UBE2D2: variants seen among roughly 807,000 people sequenced by gnomAD.
UBE2D2 encodes the protein ubiquitin-conjugating enzyme E2 D2.
Under a neutral mutation model 24.2 loss-of-function variants are expected in UBE2D2, and 2 were observed. The ratio of observed to expected loss-of-function variants is 0.08; its 90% CI spans 0.03 to 0.26. The LOEUF (loss-of-function observed/expected upper bound fraction) is 0.26, where lower values mean the gene tolerates loss of function less well. Ranked by LOEUF, UBE2D2 falls within the 10% of genes least tolerant of loss-of-function variation. The probability of loss-of-function intolerance (pLI) is 1.00; values close to 1 mark genes in which losing one functional copy is unlikely to be tolerated. For synonymous variants in UBE2D2, 58 were observed against 56.5 expected (o/e 1.03, Z -0.12); for missense variants, 44 against 177.6 (o/e 0.25, Z 4.28).
intron 1 of UBE2D2, among the ~76,000 whole-genome samples, chr5:139,533,704 C>T (rs965317610): frequency 1.4e-4 from 21 of 151,782 alleles, no homozygotes; most frequent in African/African-American, 5.1e-4. Flanking sequence ...TGATAAGGAC[C>T]AGTGTATTAC....
chr5:139,532,666 T>A (rs1752611587), intron 1 of UBE2D2, among the ~76,000 whole-genome samples: 1 of 152,018 alleles, frequency 6.6e-6, no homozygotes, highest in African/African-American at 2.4e-5. Context: ...TTTGTATATC[T>A]AGTAGAGACA....
At chr5:139,598,539 C>CT (rs1173125140) in intron 1 of UBE2D2, among the ~76,000 whole-genome samples, 1 of 145,550 alleles carries the variant, frequency 6.9e-6, no homozygotes, top group Non-Finnish European at 1.5e-5. Context: ...AGACCAATCT[C>CT]TGACTACAAA....
chr5:139,564,052 C>T (rs926081817), intron 1 of UBE2D2, among the ~76,000 whole-genome samples: 1 of 152,138 alleles, frequency 6.6e-6, no homozygotes, highest in Non-Finnish European at 1.5e-5. Context: ...AATACTTGCT[C>T]TGGTAATATA....
intron 1 of UBE2D2, among the ~76,000 whole-genome samples, chr5:139,546,875 TTTCC>T (rs1436275684): frequency 4.0e-5 from 6 of 150,660 alleles, no homozygotes; most frequent in African/African-American, 1.5e-4. Flanking sequence ...CCTTCCTTTC[TTTCC>T]TTCTTTCTTT....
chr5:139,578,419 CTTCTGTT>C (rs1406261769), intron 1 of UBE2D2, among the ~76,000 whole-genome samples: 1 of 150,070 alleles, frequency 6.7e-6, no homozygotes, highest in Admixed American at 6.7e-5. Context: ...AAATTCTAAA[CTTCTGTT>C]TTGTGTTTTG....
rs528826292 is a variant in UBE2D2, at chr5:139,587,042, C to G, written c.25-13330C>G. Reference sequence around the variant, plus strand: ...TGGTGGGCCACTTCCACGATGTTGGCAAGCCTCGTGTTCTCTGACCTGGGG... The same window carrying G: ...TGGTGGGCCACTTCCACGATGTTGGGAAGCCTCGTGTTCTCTGACCTGGGG... On this transcript the variant is annotated intron_variant, in intron 1 of 6. Coordinates refer to ENST00000398733, the MANE Select transcript of UBE2D2 (RefSeq NM_003339.3). Among the ~76,000 whole-genome samples, 4 of 152,260 alleles carry G rather than the reference C, an allele frequency of 2.6e-5. No individual in the cohort carries two copies. The South Asian group carries it at 8.3e-4, about 32-fold the overall frequency.
At chr5:139,582,977 CT>C (rs568361893) in intron 1 of UBE2D2, among the ~76,000 whole-genome samples, 12,719 of 129,858 alleles carry the variant, frequency 0.098, 555 homozygotes, top group Middle Eastern at 0.15. Flanking sequence ...GCTTTTTTTT[CT>C]TTTTTTTTTT....
chr5:139,530,654 C>T (rs1257552770), intron 1 of UBE2D2, among the ~76,000 whole-genome samples: 3 of 152,148 alleles, frequency 2.0e-5, no homozygotes. Flanking sequence ...TTCTTGACAA[C>T]TTGGTAGCAG....
intron 5 of UBE2D2, among the ~76,000 whole-genome samples, chr5:139,618,618 G>A (rs752499107): frequency 2.0e-4 from 31 of 152,134 alleles, no homozygotes; most frequent in Admixed American, 1.0e-3. Context: ...AGGTGTTGGA[G>A]ACACAAGATA....
chr5:139,559,230 T>A (rs1753019820), upstream of UBE2D2, among the ~76,000 whole-genome samples: 1 of 151,974 alleles, frequency 6.6e-6, no homozygotes, highest in South Asian at 2.1e-4. Flanking sequence ...ATTGAGACCA[T>A]CCTGGATAAC....
rs575784414 is a variant in UBE2D2, at chr5:139,604,125, A to G, written c.88+3690A>G. ...TATATCTCATAAGGGACATATATCC[A>G]GTATATTTTTAAAACTTTTTTTTTT... On this transcript the variant is annotated intron_variant, in intron 2 of 6. Coordinates refer to ENST00000398733, the MANE Select transcript of UBE2D2 (RefSeq NM_003339.3). Among the ~76,000 whole-genome samples, 10 of 152,168 alleles carry G rather than the reference A, an allele frequency of 6.6e-5. No homozygotes were observed. The South Asian group carries it at 2.1e-3, about 32-fold the overall frequency.
Position 139,583,988 on chromosome 5 carries a change from AT to A in UBE2D2, c.25-16383del, listed in dbSNP as rs139087723. Among the ~76,000 whole-genome samples, 50 of 152,330 alleles carry A rather than the reference AT, an allele frequency of 3.3e-4. No individual in the cohort carries two copies. In the East Asian group the frequency reaches 8.5e-3, roughly 26 times the overall value. On this transcript the variant is annotated intron_variant, in intron 1 of 6. Coordinates refer to ENST00000398733, the MANE Select transcript of UBE2D2 (RefSeq NM_003339.3). ...TTTTTTGAAAAAGTAAATTAAAAAAATAATAAGTTTATTATAGCCTGAGTGT... is the reference window on the plus strand; with the variant it reads ...TTTTTTGAAAAAGTAAATTAAAAAAAAATAAGTTTATTATAGCCTGAGTGT...
chr5:139,581,681 G>A (rs1048564896), intron 1 of UBE2D2, among the ~76,000 whole-genome samples: 25 of 151,962 alleles, frequency 1.6e-4, no homozygotes, highest in African/African-American at 5.8e-4. Flanking sequence ...TTGTTTGTTT[G>A]TTTTTGAGAT....
chr5:139,553,363 C>G (rs542441955), intron 1 of UBE2D2, among the ~76,000 whole-genome samples: 2 of 152,132 alleles, frequency 1.3e-5, no homozygotes, highest in Non-Finnish European at 2.9e-5. Context: ...GGGCTGTACT[C>G]TCTATTCAGT....
chr5:139,625,403 C>A lies in UBE2D2; in HGVS notation c.399-1353C>A, dbSNP rs1414492830. 4.2e-5 allele frequency among the ~76,000 whole-genome samples: 6 copies of A among 141,850 alleles called. No individual in the cohort carries two copies. In the South Asian group the frequency reaches 1.4e-3, roughly 33 times the overall value. The allele number at this position is 141,850 out of a possible 152,430, so 93.1% of individuals were successfully genotyped here. A position where few individuals can be genotyped will look rare whatever the true frequency, so the allele number is the denominator to read the frequency against. ...GTGCTGCTGTTACAGGCATGAGTTA[C>A]CGTGCAAGGCCAGCATACCCACCCC... On this transcript the variant is annotated intron_variant, in intron 6 of 6. Coordinates refer to ENST00000398733, the MANE Select transcript of UBE2D2 (RefSeq NM_003339.3).
intron 5 of UBE2D2, among the ~76,000 whole-genome samples, chr5:139,620,204 C>T (rs962553354): frequency 2.6e-5 from 4 of 152,186 alleles, no homozygotes; most frequent in Non-Finnish European, 5.9e-5. Flanking sequence ...TGTGGGGACA[C>T]AGATCCAAAC....
intron 5 of UBE2D2, among the ~76,000 whole-genome samples, chr5:139,615,985 G>A (rs1298528821): frequency 2.0e-5 from 3 of 150,602 alleles, no homozygotes; most frequent in East Asian, 4.0e-4. Context: ...ACAGGCACCC[G>A]CCACCACGCC....
At chr5:139,588,319 G>A (rs538225745) in intron 1 of UBE2D2, among the ~76,000 whole-genome samples, 177 of 151,278 alleles carry the variant, frequency 1.2e-3, no homozygotes, top group African/African-American at 4.0e-3. Context: ...AGGCTGGAGT[G>A]GAGTGGAGTG....
chr5:139,604,297 C>T (rs1377792319), intron 2 of UBE2D2, among the ~76,000 whole-genome samples: 2 of 151,834 alleles, frequency 1.3e-5, no homozygotes, highest in Non-Finnish European at 2.9e-5. Flanking sequence ...TGCCCCGCCG[C>T]CCAGCTAATT....
Sources: gnomAD v4.1 joint callset for allele counts (sites outside exome capture counted in the v4.1 genomes callset) on GRCh38, gnomAD v4.1.1 for gene constraint, MANE v1.5 for transcripts, NCBI Gene and HGNC (gene_info 2026-07-23, HGNC 2026-07-21) for gene names.